The following COL4A2 variants were observed in gnomAD, a reference collection of about 807,000 sequenced individuals.
COL4A2 encodes the protein collagen alpha-2(IV) chain.
COL4A2 carries 99 observed loss-of-function variants against 200.2 expected under a neutral mutation model. The observed-to-expected ratio is 0.49, with a 90% CI of 0.42 to 0.58. COL4A2 has a LOEUF of 0.58. Ranked by LOEUF, COL4A2 falls within the 20% of genes least tolerant of loss-of-function variation. The probability of loss-of-function intolerance (pLI) is 0.00; values close to 1 mark genes in which losing one functional copy is unlikely to be tolerated. For synonymous variants in COL4A2, 897 were observed against 900.6 expected (o/e 1.00, Z 0.07); for missense variants, 1,950 against 2,314.1 (o/e 0.84, Z 3.23).
At chr13:110,308,381 G>A (rs1884867173) in intron 3 of COL4A2, among the ~76,000 whole-genome samples, 1 of 152,168 alleles carries the variant, frequency 6.6e-6, no homozygotes, top group Non-Finnish European at 1.5e-5. Flanking sequence ...AACTTAAAAT[G>A]TAGCCTGAGG....
At chr13:110,458,388 C>T (rs567916980) in intron 21 of COL4A2, 93 of 311,628 alleles carry the variant, frequency 3.0e-4, no homozygotes, top group Non-Finnish European at 4.9e-4. Context: ...CCCTCCCTGA[C>T]GGCTCCCTGG....
intron 3 of COL4A2, among the ~76,000 whole-genome samples, chr13:110,316,813 C>G (rs1306951503): frequency 2.6e-5 from 4 of 152,160 alleles, no homozygotes; most frequent in African/African-American, 9.7e-5. Context: ...TGCTCTTAAC[C>G]ACTGGCTAGG....
At chr13:110,425,503 T>G (rs1009831838) in intron 6 of COL4A2, among the ~76,000 whole-genome samples, 1 of 152,224 alleles carries the variant, frequency 6.6e-6, no homozygotes, top group African/African-American at 2.4e-5. Flanking sequence ...TTTACTTTAC[T>G]TCTCGTGGCA....
chr13:110,336,790 G>A (rs1876212247), intron 3 of COL4A2, among the ~76,000 whole-genome samples: 1 of 152,126 alleles, frequency 6.6e-6, no homozygotes, highest in African/African-American at 2.4e-5. Context: ...TGAAGCTTTC[G>A]TTGATCAGCT....
At chr13:110,472,894 C>A in intron 28 of COL4A2, 35 bp from the exon 29 acceptor site, 1 of 1,537,300 alleles carries the variant, frequency 6.5e-7, no homozygotes, top group African/African-American at 1.4e-5. Flanking sequence ...ACCATGCTAA[C>A]TTGTGGTTTG....
At chr13:110,442,941 G>T (rs1311185740) in intron 16 of COL4A2, among the ~76,000 whole-genome samples, 1 of 148,918 alleles carries the variant, frequency 6.7e-6, no homozygotes, top group Non-Finnish European at 1.5e-5. Context: ...GCGTCGTGTT[G>T]TGGGAAGTCC....
At position 110,428,455 on chromosome 13, in the gene COL4A2, T is replaced by G. The variant is rs747307423; in HGVS notation, c.361-12T>G. ...GCTGGTTGGCTGATTCTCTCACTGCTCTCTTTCCCAGGGACACCCGGGGCA... is the reference window on the plus strand; with the variant it reads ...GCTGGTTGGCTGATTCTCTCACTGCGCTCTTTCCCAGGGACACCCGGGGCA... On this transcript the variant is annotated splice_polypyrimidine_tract_variant and intron_variant, in intron 6 of 47. Transcript: ENST00000360467. The G allele has an allele frequency of 6.5e-7, 1 of 1,533,872 alleles. No homozygotes were observed. Among genetic ancestry groups the G allele is most frequent in the Non-Finnish European group, 8.8e-7 (1 of 1,132,776 alleles).
At chr13:110,404,267 A>T (rs1311241601) in intron 4 of COL4A2, among the ~76,000 whole-genome samples, 1 of 152,240 alleles carries the variant, frequency 6.6e-6, no homozygotes, top group Non-Finnish European at 1.5e-5. Context: ...TTTCTGGGTC[A>T]ATTGAGCTGT....
chr13:110,357,337 T>A lies in COL4A2; in HGVS notation c.100-135T>A, dbSNP rs956028017. Reference sequence around the variant, plus strand: ...TGCTCTAAAAATTAGTCTATTTTTTTAAAAAAGCCTTATTGAATGTTTTGA... The same window carrying A: ...TGCTCTAAAAATTAGTCTATTTTTTAAAAAAAGCCTTATTGAATGTTTTGA... On this transcript the variant is annotated intron_variant, in intron 3 of 47. Transcript: ENST00000360467. 31 of 1,351,898 alleles carry A rather than the reference T, an allele frequency of 2.3e-5. No homozygotes were observed. In the African/African-American group the frequency reaches 2.4e-4, roughly 10 times the overall value. 83.7% of individuals were successfully genotyped at this position (1,351,898 alleles called of 1,614,324 possible).
At chr13:110,372,523 C>A (rs1253810548) in intron 4 of COL4A2, among the ~76,000 whole-genome samples, 1 of 152,166 alleles carries the variant, frequency 6.6e-6, no homozygotes, top group African/African-American at 2.4e-5. Context: ...AATCTGGAGA[C>A]ATTTTACTCT....
rs756717766 is a variant in COL4A2, at chr13:110,512,028, A to G, written c.4976A>G (p.Asn1659Ser). 3.0e-5 allele frequency: 49 copies of G among 1,613,390 alleles called. No individual in the cohort carries two copies. The South Asian group carries it at 3.7e-4, about 12-fold the overall frequency. ...DFRATPFIEC[N>S]GGRGTCHYYA... ...CGCGCCACACCATTCATCGAATGCA[A>G]TGGAGGCCGCGGCACCTGCCACTAC... Residue 1659 changes from asparagine to serine, a missense_variant, in exon 48 of 48, where the codon AAT becomes AGT. By Grantham distance (46) the Asn-to-Ser change is conservative. Coordinates refer to ENST00000360467, the MANE Select transcript of COL4A2 (RefSeq NM_001846.4).
At chr13:110,329,454 G>A (rs968729106) in intron 3 of COL4A2, among the ~76,000 whole-genome samples, 9 of 152,222 alleles carry the variant, frequency 5.9e-5, no homozygotes, top group Non-Finnish European at 1.3e-4. Flanking sequence ...CCGTACCACA[G>A]AGCATTCCCA....
At chr13:110,412,353 A>C (rs78706533) in intron 4 of COL4A2, among the ~76,000 whole-genome samples, 4,526 of 152,232 alleles carry the variant, frequency 0.03, 223 homozygotes, top group African/African-American at 0.1. Context: ...ACAATCTCAA[A>C]ATCTTTGACA....
chr13:110,466,986 G>A, intron 26 of COL4A2, 54 bp from the exon 27 acceptor site: 1 of 1,611,644 alleles, frequency 6.2e-7, no homozygotes, highest in Non-Finnish European at 8.5e-7. Flanking sequence ...CCAAGGCCGT[G>A]GGACTCAGTG....
In COL4A2 at chr13:110,462,199, C is replaced by T. The variant is rs1411308343; in HGVS notation, c.1669+13C>T. On this transcript the variant is annotated intron_variant, in intron 23 of 47. Coordinates refer to ENST00000360467, the MANE Select transcript of COL4A2 (RefSeq NM_001846.4). ...ATCACAACCAAAGGTGAGTTCCTCTCTGGCCACGCGGCCCCTGGGGCACTG... is the reference window on the plus strand; with the variant it reads ...ATCACAACCAAAGGTGAGTTCCTCTTTGGCCACGCGGCCCCTGGGGCACTG... 1 of 1,614,290 alleles carries T rather than the reference C, an allele frequency of 6.2e-7. No homozygotes were observed.
intron 18 of COL4A2, among the ~76,000 whole-genome samples, chr13:110,449,025 G>A (rs1159250898): frequency 1.3e-5 from 2 of 150,896 alleles, no homozygotes; most frequent in East Asian, 3.9e-4. Context: ...TCTGTCCCTT[G>A]CACGTGGGAC....
chr13:110,325,525 A>T (rs1885383371), intron 3 of COL4A2, among the ~76,000 whole-genome samples: 1 of 152,210 alleles, frequency 6.6e-6, no homozygotes, highest in Admixed American at 6.5e-5. Flanking sequence ...AGTGTCTCCC[A>T]GGGAAATCGT....
chr13:110,471,470 T>TAAAATGCCCAATTCAAGGATTGC (rs1882464530), intron 28 of COL4A2, among the ~76,000 whole-genome samples: 1 of 152,194 alleles, frequency 6.6e-6, no homozygotes, highest in Non-Finnish European at 1.5e-5. Flanking sequence ...CAGAAGAGGA[T>TAAAATGCCCAATTCAAGGATTGC]AAAATGCCCA....
chr13:110,331,602 A>G (rs958300019), intron 3 of COL4A2, among the ~76,000 whole-genome samples: 1 of 152,182 alleles, frequency 6.6e-6, no homozygotes, highest in African/African-American at 2.4e-5. Flanking sequence ...GCAGCTCTTG[A>G]TTCAAATCAT....
Sources: allele counts gnomAD v4.1 joint callset (sites outside exome capture counted in the v4.1 genomes callset), GRCh38; gene constraint gnomAD v4.1.1; transcripts MANE v1.5; gene names NCBI Gene and HGNC (gene_info 2026-07-23, HGNC 2026-07-21).